Variants in SGCD observed in about 807,000 individuals in gnomAD.
SGCD encodes the protein delta-sarcoglycan.
SGCD carries 18 observed loss-of-function variants against 36.6 expected under a neutral mutation model. That is an observed-to-expected ratio of 0.49 (90% CI 0.34 to 0.73). The LOEUF is 0.73. SGCD is among the 30% of genes least tolerant of loss of function. The pLI, the probability that SGCD is intolerant of heterozygous loss-of-function variation, is 0.01. For missense variants in SGCD, 387 were observed against 346.7 expected (o/e 1.12, Z -0.92); for synonymous variants, 133 against 130.6 (o/e 1.02, Z -0.12).
chr5:156,116,214 G>T (rs907368383), intron 1 of SGCD, among the ~76,000 whole-genome samples: 2 of 151,866 alleles, frequency 1.3e-5, no homozygotes, highest in African/African-American at 4.8e-5. Context: ...TCAATAAGAG[G>T]TTTTCTGTCT....
chr5:156,167,834 C>T (rs1763249848), intron 3 of SGCD, among the ~76,000 whole-genome samples: 1 of 152,190 alleles, frequency 6.6e-6, no homozygotes, highest in Non-Finnish European at 1.5e-5. Flanking sequence ...CCAAGTAAAC[C>T]TCTTTTCTTT....
Position 156,601,585 on chromosome 5 carries a change from G to T in SGCD, c.502+6534G>T, listed in dbSNP as rs577187874. Among the ~76,000 whole-genome samples the T allele has an allele frequency of 9.6e-4, 146 of 152,274 alleles. 2 individuals are homozygous for T. Among genetic ancestry groups the T allele is most frequent in the Admixed American group, 2.4e-3 (36 of 15,286 alleles). ...CAATGCCTGCAGTTTAATTCTTCTTGCTCACAATTGTTTTGGCTATTTGGA... is the reference window on the plus strand; with the variant it reads ...CAATGCCTGCAGTTTAATTCTTCTTTCTCACAATTGTTTTGGCTATTTGGA... On this transcript the variant is annotated intron_variant, in intron 6 of 8. Coordinates refer to ENST00000337851, the MANE Select transcript of SGCD (RefSeq NM_000337.6).
At chr5:156,228,604 T>A (rs1281177235) in intron 3 of SGCD, among the ~76,000 whole-genome samples, 1 of 152,192 alleles carries the variant, frequency 6.6e-6, no homozygotes, top group Non-Finnish European at 1.5e-5. Flanking sequence ...CAATTCTATA[T>A]CTTTTAAGTA....
the SGCD span, among the ~76,000 whole-genome samples, chr5:155,812,188 T>C: frequency 2.0e-5 from 3 of 152,108 alleles, no homozygotes; most frequent in African/African-American, 7.2e-5. Flanking sequence ...AAGATGAGGG[T>C]GTTTATAGCC....
intron 4 of SGCD, among the ~76,000 whole-genome samples, chr5:156,558,666 A>C (rs1364482285): frequency 1.3e-5 from 2 of 152,154 alleles, no homozygotes; most frequent in East Asian, 3.9e-4. Flanking sequence ...GCTGAGTCAC[A>C]AAAGGGAACA....
Position 156,164,503 on chromosome 5 carries a change from G to A in SGCD, c.-44+40484G>A, listed in dbSNP as rs1000393237. On this transcript the variant is annotated intron_variant, in intron 3 of 9. Transcript: ENST00000517913. The stretch of plus-strand genomic sequence containing the variant: ...GTCAGCATCATTGCTTTCCAATGAG[G>A]GGGCTTGCATTCCTGTCTATTTCCA... Among the ~76,000 whole-genome samples the A allele has an allele frequency of 3.9e-5, 6 of 152,244 alleles. No individual in the cohort carries two copies. The South Asian group carries it at 1.0e-3, about 26-fold the overall frequency.
Position 156,180,123 on chromosome 5 carries a change from T to A in SGCD, c.-44+56104T>A, listed in dbSNP as rs1200773792. 2.6e-5 allele frequency among the ~76,000 whole-genome samples: 4 copies of A among 152,226 alleles called. No homozygotes were observed. The South Asian group carries it at 6.2e-4, about 24-fold the overall frequency. On this transcript the variant is annotated intron_variant, in intron 3 of 9. Transcript: ENST00000517913. ...AAACTTAAAGATAATGTGCTTCAGT[T>A]TTCACCTCTATGAATATATTCTGAG...
intron 3 of SGCD, among the ~76,000 whole-genome samples, chr5:156,260,239 T>C (rs1765824058): frequency 6.6e-6 from 1 of 152,228 alleles, no homozygotes; most frequent in Non-Finnish European, 1.5e-5. Context: ...CAGTATTCTT[T>C]GCATTTCCAA....
chr5:155,995,722 T>C (rs1758527316), intron 1 of SGCD, among the ~76,000 whole-genome samples: 1 of 152,120 alleles, frequency 6.6e-6, no homozygotes, highest in Non-Finnish European at 1.5e-5. Context: ...GAGTGAATCC[T>C]ATAAATGTAT....
chr5:156,722,230 T>C (rs562857896), intron 7 of SGCD, among the ~76,000 whole-genome samples: 1 of 152,220 alleles, frequency 6.6e-6, no homozygotes, highest in South Asian at 2.1e-4. Context: ...TAGCCTCTCC[T>C]CTCAAATTGC....
At position 156,292,471 on chromosome 5, in the gene SGCD, A is replaced by G. The variant is rs193003867; in HGVS notation, c.-43-37063A>G. 3.9e-5 allele frequency among the ~76,000 whole-genome samples: 6 copies of G among 152,270 alleles called. No homozygotes were observed. The East Asian group carries it at 9.7e-4, about 24-fold the overall frequency. On this transcript the variant is annotated intron_variant, in intron 3 of 9. Coordinates refer to the SGCD transcript ENST00000517913. ...TCCTTCCTTTGAAAGCTGAATACTA[A>G]TTCCATTGTATGGATACCCACATTT...
At chr5:156,659,467 GC>G (rs1763811263) in intron 7 of SGCD, among the ~76,000 whole-genome samples, 1 of 113,462 alleles carries the variant, frequency 8.8e-6, no homozygotes, top group Non-Finnish European at 1.8e-5. Context: ...ATACGGTGTT[GC>G]CAATTAAAAG....
rs1283939188 is a variant in SGCD, at chr5:156,344,668, C to T, written c.183C>T (p.Asn61=). 1 of 1,600,032 alleles carries T rather than the reference C, an allele frequency of 6.2e-7. No homozygotes were observed. Among genetic ancestry groups the T allele is most frequent in the Admixed American group, 1.7e-5 (1 of 58,140 alleles). Reference sequence around the variant, plus strand: ...CCATCTGGATTCTCAAAGTCATGAACTTCACAATTGTAAGTAAAACCATCT... The same window carrying T: ...CCATCTGGATTCTCAAAGTCATGAATTTCACAATTGTAAGTAAAACCATCT... ...AMTIWILKVM[N]FTIDGMGNLR... is the part of the protein sequence containing the mutation. The change falls in exon 3 of 9, where the codon AAC becomes AAT. Residue 61 remains asparagine, a synonymous_variant. Coordinates refer to ENST00000337851, the MANE Select transcript of SGCD (RefSeq NM_000337.6).
chr5:156,131,557 C>G (rs1009596454), intron 3 of SGCD, among the ~76,000 whole-genome samples: 1 of 152,196 alleles, frequency 6.6e-6, no homozygotes, highest in African/African-American at 2.4e-5. Context: ...TATGTGGCAG[C>G]TCAGGGTCCC....
intron 5 of SGCD, among the ~76,000 whole-genome samples, chr5:156,590,885 C>T (rs1760699135): frequency 6.6e-6 from 1 of 151,360 alleles, no homozygotes. Context: ...CTCTTCTCGT[C>T]TCTCTTCTTC....
chr5:156,420,379 G>T (rs772967152), intron 3 of SGCD, among the ~76,000 whole-genome samples: 2 of 151,918 alleles, frequency 1.3e-5, no homozygotes, highest in Non-Finnish European at 2.9e-5. Context: ...AAGCATGAGG[G>T]AAGTACAAAA....
chr5:155,964,114 G>A (rs2113454307), intron 1 of SGCD, among the ~76,000 whole-genome samples: 1 of 152,160 alleles, frequency 6.6e-6, no homozygotes, highest in African/African-American at 2.4e-5. Flanking sequence ...CTTATGACTA[G>A]ACTGCATTTC....
intron 1 of SGCD, among the ~76,000 whole-genome samples, chr5:155,978,463 CAAT>C (rs1309138658): frequency 1.3e-5 from 2 of 152,218 alleles, no homozygotes; most frequent in Non-Finnish European, 2.9e-5. Flanking sequence ...GTGAAAGTCT[CAAT>C]GATAGTGTGG....
chr5:156,652,797 C>G (rs1763512732), intron 7 of SGCD, among the ~76,000 whole-genome samples: 1 of 151,706 alleles, frequency 6.6e-6, no homozygotes, highest in Non-Finnish European at 1.5e-5. Context: ...GAGGGTTTTT[C>G]TCATACAGGG....
Sources: allele counts gnomAD v4.1 joint callset (sites outside exome capture counted in the v4.1 genomes callset), GRCh38; gene constraint gnomAD v4.1.1; transcripts MANE v1.5; gene names NCBI Gene and HGNC (gene_info 2026-07-23, HGNC 2026-07-21).